Variants in NUDCD3 observed in about 807,000 individuals in gnomAD.
NUDCD3 encodes the protein nudC domain-containing protein 3.
NUDCD3 carries 13 observed loss-of-function variants against 39.7 expected under a neutral mutation model. The observed-to-expected ratio is 0.33, with a 90% CI of 0.21 to 0.52. The LOEUF is 0.52. Ranked by LOEUF, NUDCD3 falls within the 20% of genes least tolerant of loss-of-function variation. The probability of loss-of-function intolerance (pLI) is 0.96; values close to 1 mark genes in which losing one functional copy is unlikely to be tolerated. For synonymous variants in NUDCD3, 175 were observed against 172.4 expected (o/e 1.02, Z -0.12); for missense variants, 453 against 458.1 (o/e 0.99, Z 0.10).
chr7:44,422,347 CAGG>C (rs1475688504), intron 3 of NUDCD3, among the ~76,000 whole-genome samples: 2 of 151,810 alleles, frequency 1.3e-5, no homozygotes, highest in Non-Finnish European at 2.9e-5. Context: ...TCAATGAATC[CAGG>C]AGCTGTTTTT....
chr7:44,463,317 T>C (rs1800054135), intron 2 of NUDCD3, among the ~76,000 whole-genome samples: 1 of 152,066 alleles, frequency 6.6e-6, no homozygotes, highest in Non-Finnish European at 1.5e-5. Flanking sequence ...GTTGGACACT[T>C]GGTTTGGGAG....
rs1799265255 is a variant in NUDCD3, at chr7:44,427,708, G to A, written c.510-5C>T. 23 of 1,613,570 alleles carry A rather than the reference G, an allele frequency of 1.4e-5. No individual in the cohort carries two copies. The highest frequency in any genetic ancestry group is 1.9e-5 in the Non-Finnish European group (23 of 1,179,854). On this transcript the variant is annotated splice_polypyrimidine_tract_variant and splice_region_variant and intron_variant, in intron 2 of 5. Coordinates refer to ENST00000355451, the MANE Select transcript of NUDCD3 (RefSeq NM_015332.4). ...TTCTGGAACTGCTCCTGAATCCTGAGAAAGAATAAAAAATGTGATCCCAGT... is the reference window on the plus strand; with the variant it reads ...TTCTGGAACTGCTCCTGAATCCTGAAAAAGAATAAAAAATGTGATCCCAGT...
At chr7:44,425,230 A>C (rs1329021227) in intron 3 of NUDCD3, among the ~76,000 whole-genome samples, 1 of 152,214 alleles carries the variant, frequency 6.6e-6, no homozygotes, top group Non-Finnish European at 1.5e-5. Flanking sequence ...TGATAGGCAC[A>C]GCAAACCACC....
chr7:44,459,610 C>T (rs1038676471), intron 2 of NUDCD3, among the ~76,000 whole-genome samples: 1 of 152,108 alleles, frequency 6.6e-6, no homozygotes, highest in African/African-American at 2.4e-5. Context: ...TTCTATTTTC[C>T]AAATTTTCCA....
At chr7:44,480,863 G>C (rs1453507189) in intron 2 of NUDCD3, among the ~76,000 whole-genome samples, 1 of 144,030 alleles carries the variant, frequency 6.9e-6, no homozygotes, top group Non-Finnish European at 1.5e-5. Context: ...GCTCGCTTGA[G>C]CTCAGAAGGC....
intron 2 of NUDCD3, among the ~76,000 whole-genome samples, chr7:44,441,645 G>A (rs1220735613): frequency 6.6e-6 from 1 of 152,120 alleles, no homozygotes; most frequent in Admixed American, 6.5e-5. Context: ...TCAGGTCAGG[G>A]CTCCATAGCT....
chr7:44,478,229 C>A (rs1391655845), intron 2 of NUDCD3, among the ~76,000 whole-genome samples: 1 of 152,180 alleles, frequency 6.6e-6, no homozygotes, highest in African/African-American at 2.4e-5. Flanking sequence ...TGTGCAAATT[C>A]TCTCTCTTCT....
chr7:44,468,233 G>C (rs768200872), intron 2 of NUDCD3: 1 of 1,596,248 alleles, frequency 6.3e-7, no homozygotes, highest in South Asian at 1.1e-5. Flanking sequence ...AGCCATCGTG[G>C]AAACAGCTGC....
At chr7:44,416,828 G>GC (rs1799034563) in intron 3 of NUDCD3, among the ~76,000 whole-genome samples, 1 of 152,176 alleles carries the variant, frequency 6.6e-6, no homozygotes, top group Admixed American at 6.5e-5. Flanking sequence ...TAGCTCCAGA[G>GC]CAAGCCTTGA....
At chr7:44,467,829 AAAG>A in intron 2 of NUDCD3, 98 of 993,748 alleles carry the variant, frequency 9.9e-5, no homozygotes, top group South Asian at 1.5e-4. Flanking sequence ...AAAAAAAAAA[AAAG>A]AAAAGAAAAG....
intron 2 of NUDCD3, among the ~76,000 whole-genome samples, chr7:44,480,814 C>T (rs563874057): frequency 3.3e-4 from 50 of 151,728 alleles, no homozygotes; most frequent in African/African-American, 1.2e-3. Flanking sequence ...AGGTGGTGCA[C>T]GCCTGTAGTC....
intron 2 of NUDCD3, chr7:44,468,125 T>C: frequency 6.2e-7 from 1 of 1,607,092 alleles, no homozygotes; most frequent in South Asian, 1.1e-5. Flanking sequence ...CTTCCGGAAG[T>C]TCCTGGTCCA....
intron 4 of NUDCD3, among the ~76,000 whole-genome samples, chr7:44,403,507 T>C (rs1798760787): frequency 6.6e-6 from 1 of 152,210 alleles, no homozygotes; most frequent in South Asian, 2.1e-4. Context: ...TCCAGGTTTC[T>C]GCAGCACTGA....
At chr7:44,400,349 G>A (rs755223020) in intron 4 of NUDCD3, among the ~76,000 whole-genome samples, 11 of 152,218 alleles carry the variant, frequency 7.2e-5, no homozygotes, top group Non-Finnish European at 1.3e-4. Context: ...TGGGATCCAC[G>A]GCACAGGGAG....
At chr7:44,456,036 A>AC (rs1563182546) in intron 2 of NUDCD3, among the ~76,000 whole-genome samples, 8 of 130,038 alleles carry the variant, frequency 6.2e-5, no homozygotes, top group African/African-American at 2.3e-4. Flanking sequence ...AAAAAAAAAA[A>AC]AAAAAAAAAA....
At chr7:44,410,162 A>G (rs1194014235) in intron 3 of NUDCD3, among the ~76,000 whole-genome samples, 1 of 152,222 alleles carries the variant, frequency 6.6e-6, no homozygotes, top group Non-Finnish European at 1.5e-5. Flanking sequence ...AAGAAGCTCA[A>G]TGAATTCCAA....
intron 2 of NUDCD3, among the ~76,000 whole-genome samples, chr7:44,433,896 T>C (rs2116911966): frequency 6.6e-6 from 1 of 152,226 alleles, no homozygotes; most frequent in Middle Eastern, 3.4e-3. Flanking sequence ...GACTCCTTCC[T>C]CCCTTTTTCC....
chr7:44,426,268 C>A, intron 3 of NUDCD3: 8 of 547,732 alleles, frequency 1.5e-5, no homozygotes, highest in Non-Finnish European at 1.9e-5. Context: ...CCTGAGGAGG[C>A]ATAAAAGAAA....
rs990248358 is a variant in NUDCD3, at chr7:44,391,302, C to T, written c.975+995G>A. Among the ~76,000 whole-genome samples, 3 of 152,166 alleles carry T rather than the reference C, an allele frequency of 2.0e-5. No individual in the cohort carries two copies. The East Asian group carries it at 5.8e-4, about 29-fold the overall frequency. On this transcript the variant is annotated intron_variant, in intron 5 of 5. Coordinates refer to ENST00000355451, the MANE Select transcript of NUDCD3 (RefSeq NM_015332.4). ...AGGAGAACATGTTGACACTCCTCTC[C>T]GCAGGCTCCTTCACCTCATAAGAGC...
Sources: allele counts gnomAD v4.1 joint callset (sites outside exome capture counted in the v4.1 genomes callset), GRCh38; gene constraint gnomAD v4.1.1; transcripts MANE v1.5; gene names NCBI Gene and HGNC (gene_info 2026-07-23, HGNC 2026-07-21).